DNAH9: variants seen among roughly 807,000 people sequenced by gnomAD.
DNAH9 encodes DNAH9 variant protein.
DNAH9 carries 345 observed loss-of-function variants against 471.6 expected under a neutral mutation model. That is an observed-to-expected ratio of 0.73 (90% confidence interval 0.67 to 0.80). DNAH9 has a LOEUF of 0.80. DNAH9 is among the 30% of genes least tolerant of loss of function. DNAH9 has a pLI of 0.00. For missense variants in DNAH9, 5,407 were observed against 5,609.2 expected, an observed-to-expected ratio of 0.96 and a Z score of 1.15; for synonymous variants, 2,093 against 2,123.6, an observed-to-expected ratio of 0.99 and a Z score of 0.40.
Position 11,969,381 on chromosome 17 carries a change from A to C in DNAH9, c.13315A>C (p.Lys4439Gln), listed in dbSNP as rs1977019570. ...VMFIKAIPAD[K>Q]QDCRSVYSCP... ...GTTCATCAAGGCCATTCCTGCAGAT[A>C]AGCAGGACTGCCGCAGTGTCTATTC... The change falls in exon 69 of 69, where the codon AAG becomes CAG. Residue 4439 changes from lysine to glutamine, a missense_variant. By Grantham distance (53) the Lys-to-Gln change is moderately conservative (BLOSUM62 1). Transcript: ENST00000262442. The C allele has an allele frequency of 6.2e-7, 1 of 1,614,026 alleles. No homozygotes were observed. Among genetic ancestry groups the C allele is most frequent in the Non-Finnish European group, 8.5e-7 (1 of 1,180,024 alleles).
At chr17:11,673,209 T>C (rs1277007931) in intron 17 of DNAH9, among the ~76,000 whole-genome samples, 2 of 152,236 alleles carry the variant, frequency 1.3e-5, no homozygotes, top group Non-Finnish European at 2.9e-5. Context: ...AAATATTTTC[T>C]CTGCCTTTAT....
intron 50 of DNAH9, among the ~76,000 whole-genome samples, chr17:11,865,152 A>G (rs559634257): frequency 2.0e-5 from 3 of 152,316 alleles, no homozygotes; most frequent in South Asian, 4.1e-4. Flanking sequence ...ATTTTGCAGC[A>G]GCTGGTACCG....
intron 57 of DNAH9, among the ~76,000 whole-genome samples, chr17:11,887,736 T>TCACA (rs35670481): frequency 0.031 from 4,580 of 147,454 alleles, 83 homozygotes; most frequent in African/African-American, 0.044. Context: ...ATACACACAG[T>TCACA]CACACACACA....
chr17:11,680,059 G>C (rs928087709), intron 18 of DNAH9, 80 bp downstream of exon 18: 2 of 1,132,668 alleles, frequency 1.8e-6, no homozygotes, highest in African/African-American at 3.1e-5. Flanking sequence ...GTGGGGTACA[G>C]CAAATGAAAA....
chr17:11,937,646 C>G lies in DNAH9; in HGVS notation c.12660+124C>G. 2 of 1,085,386 alleles carry G rather than the reference C, an allele frequency of 1.8e-6. No homozygotes were observed. Among genetic ancestry groups the G allele is most frequent in the Non-Finnish European group, 2.5e-6 (2 of 806,810 alleles). 67.2% of individuals were successfully genotyped at this position (1,085,386 alleles called of 1,614,324 possible). The stretch of plus-strand genomic sequence containing the variant: ...AGACAACACACAAAGCACCAACCAC[C>G]TGCAGCCTGGAGATGCTTGCCTGTC... On this transcript the variant is annotated intron_variant, in intron 66 of 68. Coordinates refer to ENST00000262442, the MANE Select transcript of DNAH9 (RefSeq NM_001372.4). This position sits in a 1 kb window ranked among gnomAD's most constrained non-coding sequence, Gnocchi z 4.1.
intron 59 of DNAH9, among the ~76,000 whole-genome samples, chr17:11,898,132 C>CT (rs35816812): frequency 0.6 from 88,905 of 148,378 alleles, 28,794 homozygotes; most frequent in Middle Eastern, 0.75. Context: ...TTTTCCTTTT[C>CT]TTTTTTTTTT....
chr17:11,652,841 G>T lies in DNAH9; in HGVS notation c.2434G>T (p.Glu812Ter). 1 of 1,613,908 alleles carries T rather than the reference G, an allele frequency of 6.2e-7. No individual in the cohort carries two copies. Among genetic ancestry groups the T allele is most frequent in the Non-Finnish European group, 8.5e-7 (1 of 1,179,860 alleles). Residue 812 changes from glutamate to a stop codon, truncating the protein, a stop_gained, in exon 14 of 69, where the codon GAA (glutamate) becomes TAA (stop). Transcript: ENST00000262442. LOFTEE classifies it high-confidence loss of function. The part of the protein sequence containing the change: ...QRIQKTKDNV[E>*]EIQNIMKTWV... Reference sequence around the variant, plus strand: ...AATTCAGAAAACTAAAGACAATGTGGAAGAGATCCAAAACATCATGAAAAC... The same window carrying T: ...AATTCAGAAAACTAAAGACAATGTGTAAGAGATCCAAAACATCATGAAAAC...
intron 27 of DNAH9, among the ~76,000 whole-genome samples, chr17:11,723,791 C>T (rs1478606083): frequency 1.3e-5 from 2 of 152,016 alleles, no homozygotes; most frequent in East Asian, 1.9e-4. Context: ...CCTCAGCCTC[C>T]CGAGTAGCTT....
chr17:11,612,851 A>T (rs944585967), intron 4 of DNAH9: 2 of 152,016 alleles, frequency 1.3e-5, no homozygotes, highest in Non-Finnish European at 2.9e-5. Context: ...TTTGCCCAGA[A>T]CTCTTTCTTT....
chr17:11,632,528 T>C (rs2073089497), intron 7 of DNAH9, 59 bp from the exon 8 acceptor site: 4 of 803,178 alleles, frequency 5.0e-6, no homozygotes, highest in South Asian at 1.4e-5. Context: ...GTGAGGAGCA[T>C]AGTGGGGTTG....
intron 10 of DNAH9, among the ~76,000 whole-genome samples, chr17:11,641,525 C>T (rs576378552): frequency 6.6e-6 from 1 of 152,212 alleles, no homozygotes; most frequent in South Asian, 2.1e-4. Flanking sequence ...AGGGAGGTGA[C>T]TTGCCCAAGG....
At chr17:11,693,551 G>A (rs940724344) in intron 20 of DNAH9, among the ~76,000 whole-genome samples, 14 of 152,052 alleles carry the variant, frequency 9.2e-5, no homozygotes, top group African/African-American at 2.9e-4. Flanking sequence ...GAGCCACGGC[G>A]CCCGGTCTAA....
At chr17:11,603,657 C>A (rs1208314121) in intron 1 of DNAH9, among the ~76,000 whole-genome samples, 1 of 152,222 alleles carries the variant, frequency 6.6e-6, no homozygotes, top group African/African-American at 2.4e-5. Flanking sequence ...ATCCTCCTTT[C>A]ATCCCACCAG....
chr17:11,950,714 C>T (rs12939965), intron 67 of DNAH9, among the ~76,000 whole-genome samples: 70,988 of 151,920 alleles, frequency 0.47, 16,838 homozygotes, highest in Middle Eastern at 0.56. Flanking sequence ...ACAAAACTTA[C>T]AGAAACAGTT....
At chr17:11,929,719 A>C (rs1974442367) in intron 62 of DNAH9, 147 bp from the exon 63 acceptor site, 2 of 664,422 alleles carry the variant, frequency 3.0e-6, no homozygotes, top group Non-Finnish European at 5.2e-6. Context: ...TCAGATGGTA[A>C]ATTTTCTGTT....
intron 55 of DNAH9, among the ~76,000 whole-genome samples, chr17:11,882,094 C>T (rs1972746254): frequency 6.6e-6 from 1 of 152,164 alleles, no homozygotes; most frequent in African/African-American, 2.4e-5. Flanking sequence ...CTTGGGCTGC[C>T]ATAACAAAAT....
chr17:11,654,394 A>G (rs2073590778), intron 14 of DNAH9, among the ~76,000 whole-genome samples: 1 of 148,516 alleles, frequency 6.7e-6, no homozygotes, highest in Non-Finnish European at 1.5e-5. Flanking sequence ...AAATCGATCT[A>G]TCATCCATCT....
intron 24 of DNAH9, 33 bp from the exon 25 acceptor site, chr17:11,704,170 A>G: frequency 6.2e-7 from 1 of 1,612,506 alleles, no homozygotes. Context: ...CAGCCATGAT[A>G]ACAGCTTTAC....
At chr17:11,669,941 C>A in intron 17 of DNAH9, 147 bp downstream of exon 17, 1 of 711,712 alleles carries the variant, frequency 1.4e-6, no homozygotes, top group Non-Finnish European at 2.3e-6. Context: ...CTTTTGGACA[C>A]CATGGTAACT....
Sources: gnomAD v4.1 joint callset for allele counts (sites outside exome capture counted in the v4.1 genomes callset) on GRCh38, gnomAD v4.1.1 for gene constraint, Gnocchi (gnomAD v3.1) non-coding constraint, MANE v1.5 for transcripts, NCBI Gene and HGNC (gene_info 2026-07-23, HGNC 2026-07-21) for gene names.